ATP8B4: variants seen among roughly 807,000 people sequenced by gnomAD.
ATP8B4 encodes the protein probable phospholipid-transporting ATPase IM.
ATP8B4 carries 133 observed loss-of-function variants against 145.6 expected under a neutral mutation model. The ratio of observed to expected loss-of-function variants is 0.91; its 90% CI spans 0.79 to 1.05. The LOEUF is 1.05. Among genes scored for constraint, ATP8B4 ranks in the 50% least tolerant of loss-of-function variants. The pLI is 0.00. For missense variants in ATP8B4, 1,458 were observed against 1,425.2 expected (o/e 1.02, Z -0.37); for synonymous variants, 507 against 492.9 (o/e 1.03, Z -0.38).
chr15:50,160,038 T>TTTTTTTCTGGG (rs2044492829), intron 1 of ATP8B4, among the ~76,000 whole-genome samples: 1 of 143,558 alleles, frequency 7.0e-6, no homozygotes, highest in Non-Finnish European at 1.5e-5. Flanking sequence ...TTTTTTTTTT[T>TTTTTTTCTGGG]GCTGGGAGAC....
At chr15:50,152,694 A>G (rs1469591424) in intron 1 of ATP8B4, among the ~76,000 whole-genome samples, 1 of 152,240 alleles carries the variant, frequency 6.6e-6, no homozygotes, top group Non-Finnish European at 1.5e-5. Flanking sequence ...AAAGAGAATC[A>G]CAGGTCACTG....
intron 12 of ATP8B4, among the ~76,000 whole-genome samples, chr15:49,974,849 C>G (rs2045531184): frequency 6.6e-6 from 1 of 152,132 alleles, no homozygotes; most frequent in Non-Finnish European, 1.5e-5. Flanking sequence ...AGCTGGGATG[C>G]TTTCTGTGTC....
chr15:50,134,986 C>T (rs1355153511), intron 1 of ATP8B4, among the ~76,000 whole-genome samples: 1 of 152,192 alleles, frequency 6.6e-6, no homozygotes, highest in Non-Finnish European at 1.5e-5. Context: ...TATTTTTACT[C>T]TCACAGCAGT....
intron 14 of ATP8B4, among the ~76,000 whole-genome samples, chr15:49,961,681 A>G (rs2044093406): frequency 6.6e-6 from 1 of 152,216 alleles, no homozygotes. Flanking sequence ...GCTGAAGAAC[A>G]TTATGTAAAT....
chr15:49,866,934 T>G (rs1371883260), intron 25 of ATP8B4, among the ~76,000 whole-genome samples: 2 of 152,198 alleles, frequency 1.3e-5, no homozygotes, highest in African/African-American at 2.4e-5. Flanking sequence ...TGCATGATCT[T>G]TTTTACACCA....
intron 1 of ATP8B4, among the ~76,000 whole-genome samples, chr15:50,107,213 G>A (rs73402906): frequency 0.055 from 8,427 of 152,222 alleles, 405 homozygotes; most frequent in African/African-American, 0.13. Flanking sequence ...TTTAAAGGCC[G>A]TATGAGACAA....
At chr15:50,181,268 G>C (rs574747198) in intron 1 of ATP8B4, among the ~76,000 whole-genome samples, 104 of 152,302 alleles carry the variant, frequency 6.8e-4, no homozygotes, top group African/African-American at 2.5e-3. Flanking sequence ...CTTAGATCCT[G>C]ACCCTCCTCA....
intron 4 of ATP8B4, among the ~76,000 whole-genome samples, chr15:50,045,282 T>C (rs774783861): frequency 6.6e-6 from 1 of 152,172 alleles, no homozygotes; most frequent in Non-Finnish European, 1.5e-5. Flanking sequence ...CTGGGTATCA[T>C]GTCCCAATTT....
chr15:50,078,758 A>C (rs1171228990), intron 2 of ATP8B4, among the ~76,000 whole-genome samples: 1 of 152,160 alleles, frequency 6.6e-6, no homozygotes, highest in Non-Finnish European at 1.5e-5. Flanking sequence ...AAACTTCCAA[A>C]AGAAAAAAAA....
At chr15:50,105,325 GAGAC>G (rs780455691) in intron 2 of ATP8B4, among the ~76,000 whole-genome samples, 13 of 150,360 alleles carry the variant, frequency 8.6e-5, no homozygotes, top group East Asian at 1.9e-4. Flanking sequence ...TATAGAAAAA[GAGAC>G]AGACAGTAAG....
intron 1 of ATP8B4, among the ~76,000 whole-genome samples, chr15:50,141,238 G>A (rs950348841): frequency 1.4e-4 from 21 of 151,994 alleles, no homozygotes; most frequent in African/African-American, 4.8e-4. Context: ...ATAAGCTCAA[G>A]GGCTCTTTTC....
intron 9 of ATP8B4, among the ~76,000 whole-genome samples, chr15:49,989,762 G>GC (rs2046907097): frequency 6.6e-6 from 1 of 152,058 alleles, no homozygotes; most frequent in African/African-American, 2.4e-5. Context: ...AACTACATTT[G>GC]TTTTTATCAT....
intron 14 of ATP8B4, among the ~76,000 whole-genome samples, chr15:49,960,161 G>C (rs1367582190): frequency 6.6e-6 from 1 of 151,866 alleles, no homozygotes; most frequent in Non-Finnish European, 1.5e-5. Flanking sequence ...CCAAGTAGCT[G>C]GGACTATAGG....
rs371642453 is a variant in ATP8B4 at position 50,098,314 on chromosome 15, T to A, written c.28+8625A>T. Among the ~76,000 whole-genome samples, 206 of 119,234 alleles carry A rather than the reference T, an allele frequency of 1.7e-3. 1 individual carries two copies. Among genetic ancestry groups the A allele is most frequent in the Middle Eastern group, 0.01 (2 of 200 alleles). The allele number at this position is 119,234 out of a possible 152,430, so 78.2% of individuals were successfully genotyped here. ...TTTTTTTTTTTTTTTTTTTTTTAGA[T>A]AGGGTCTCACTCTGTCACACAGGCT... is the stretch of plus-strand genomic sequence containing the variant. On this transcript the variant is annotated intron_variant, in intron 2 of 27. Transcript: ENST00000284509.
chr15:50,170,477 A>C (rs2044654362), intron 1 of ATP8B4, among the ~76,000 whole-genome samples: 1 of 137,344 alleles, frequency 7.3e-6, no homozygotes, highest in African/African-American at 2.6e-5. Context: ...AAATGCTGAG[A>C]GAATTCACCA....
intron 20 of ATP8B4, among the ~76,000 whole-genome samples, chr15:49,908,804 C>A (rs534041408): frequency 6.6e-6 from 1 of 152,264 alleles, no homozygotes; most frequent in East Asian, 1.9e-4. Flanking sequence ...AAGTGCAAGA[C>A]GCTGACAGCA....
At chr15:50,004,478 G>A (rs1402125655) in intron 7 of ATP8B4, among the ~76,000 whole-genome samples, 1 of 152,164 alleles carries the variant, frequency 6.6e-6, no homozygotes, top group Non-Finnish European at 1.5e-5. Flanking sequence ...GCCTCCTCAA[G>A]CTGACTCATC....
At position 49,933,543 on chromosome 15, in the gene ATP8B4, A is replaced by G. The variant is rs186172523; in HGVS notation, c.1453+474T>C. Among the ~76,000 whole-genome samples, 101 of 152,164 alleles carry G rather than the reference A, an allele frequency of 6.6e-4. 1 individual carries two copies. The highest frequency in any genetic ancestry group is 1.2e-3 in the Non-Finnish European group (82 of 67,968). ...ATGGAGCCTAAATAAGACTATTCTA[A>G]TATCAAGGTCAATTTATCTCTGTTA... On this transcript the variant is annotated intron_variant, in intron 15 of 27. Transcript: ENST00000284509.
At chr15:49,985,771 G>A (rs2046550572) in intron 10 of ATP8B4, among the ~76,000 whole-genome samples, 1 of 152,030 alleles carries the variant, frequency 6.6e-6, no homozygotes, top group South Asian at 2.1e-4. Flanking sequence ...TTTGAAAGAA[G>A]GGAAGCAGAA....
Sources: allele counts gnomAD v4.1 joint callset (sites outside exome capture counted in the v4.1 genomes callset), GRCh38; gene constraint gnomAD v4.1.1; transcripts MANE v1.5; gene names NCBI Gene and HGNC (gene_info 2026-07-23, HGNC 2026-07-21).